The following SDK1 variants were observed in gnomAD, a reference collection of about 807,000 sequenced individuals.
SDK1 encodes protein sidekick-1.
In SDK1, 157 loss-of-function variants were observed where a neutral mutation model predicts 245.5. The observed-to-expected ratio is 0.64, with a 90% CI of 0.56 to 0.73. The LOEUF (loss-of-function observed/expected upper bound fraction) is 0.73. Ranked by LOEUF, SDK1 falls within the 30% of genes least tolerant of loss-of-function variation. The pLI is 0.00. For missense variants in SDK1, 3,583 were observed against 3,002.3 expected (o/e 1.19, Z -4.52); for synonymous variants, 1,647 against 1,278.5 (o/e 1.29, Z -6.15).
intron 14 of SDK1, among the ~76,000 whole-genome samples, chr7:4,007,499 G>A (rs6964258): frequency 0.089 from 13,516 of 152,142 alleles, 1,401 homozygotes; most frequent in African/African-American, 0.26. Context: ...AGAGCAAGCT[G>A]TCCAGCACCC....
At chr7:3,321,777 TCTCCTTC>T (rs1779814501) in intron 1 of SDK1, among the ~76,000 whole-genome samples, 1 of 35,970 alleles carries the variant, frequency 2.8e-5, no homozygotes. Context: ...CTTCCTTCCT[TCTCCTTC>T]CTTCCTTCCT....
At chr7:3,519,679 G>C (rs530591637) in intron 1 of SDK1, among the ~76,000 whole-genome samples, 1 of 152,132 alleles carries the variant, frequency 6.6e-6, no homozygotes, top group South Asian at 2.1e-4. Flanking sequence ...TACATCCAGA[G>C]ATACGCATAA....
Position 4,265,679 on chromosome 7 carries a change from A to C in SDK1, c.*295A>C. ...CACCTCCGGGGCCTGGGAGGACCTC[A>C]GACCTCCCCAGCCCTGGGTTTCTCC... On this transcript the variant is annotated 3_prime_UTR_variant, in exon 45 of 45. Coordinates refer to ENST00000404826, the MANE Select transcript of SDK1 (RefSeq NM_152744.4). 1.7e-6 allele frequency: 2 copies of C among 1,182,520 alleles called. No individual in the cohort carries two copies. The highest frequency in any genetic ancestry group is 4.6e-5 in the Admixed American group (1 of 21,624). 73.3% of individuals were successfully genotyped at this position (1,182,520 alleles called of 1,614,324 possible).
chr7:3,390,962 A>G (rs564274899), intron 1 of SDK1, among the ~76,000 whole-genome samples: 1 of 152,318 alleles, frequency 6.6e-6, no homozygotes, highest in African/African-American at 2.4e-5. Context: ...CACCCAACAG[A>G]AAATGTCACT....
chr7:3,493,531 G>A (rs1054789062), intron 1 of SDK1, among the ~76,000 whole-genome samples: 1 of 152,174 alleles, frequency 6.6e-6, no homozygotes, highest in African/African-American at 2.4e-5. Context: ...ACTAGGAAGT[G>A]CCCACACTGA....
At chr7:3,768,505 C>T (rs181922730) in intron 4 of SDK1, among the ~76,000 whole-genome samples, 89 of 152,344 alleles carry the variant, frequency 5.8e-4, no homozygotes, top group Admixed American at 4.4e-3. Flanking sequence ...CTCAGCTCAG[C>T]AGCAGTTCCT....
At chr7:3,736,831 A>G (rs1372486911) in intron 4 of SDK1, among the ~76,000 whole-genome samples, 1 of 152,160 alleles carries the variant, frequency 6.6e-6, no homozygotes, top group Non-Finnish European at 1.5e-5. Flanking sequence ...ACAAACTTCA[A>G]ATGTACAATA....
intron 41 of SDK1, 129 bp from the exon 42 acceptor site, chr7:4,237,518 T>C (rs777116529): frequency 5.5e-5 from 56 of 1,014,282 alleles, no homozygotes; most frequent in Non-Finnish European, 7.5e-5. Flanking sequence ...CGGCTGGACA[T>C]TGGTTTCATC....
chr7:4,045,923 T>C (rs77548041), intron 17 of SDK1, among the ~76,000 whole-genome samples: 81 of 152,300 alleles, frequency 5.3e-4, no homozygotes, highest in African/African-American at 1.9e-3. Context: ...ATTTTGAAAA[T>C]TCTTTTTTCT....
chr7:3,805,629 T>C (rs539984928), intron 4 of SDK1, among the ~76,000 whole-genome samples: 1 of 152,332 alleles, frequency 6.6e-6, no homozygotes, highest in East Asian at 1.9e-4. Context: ...AGAGCCTTGA[T>C]AGTCTCTTAT....
At chr7:4,163,602 G>A (rs1304751045) in intron 32 of SDK1, among the ~76,000 whole-genome samples, 2 of 152,348 alleles carry the variant, frequency 1.3e-5, no homozygotes, top group East Asian at 3.9e-4. Context: ...TTTGCAGCAC[G>A]GAGGATGAGG....
chr7:3,452,478 G>C (rs6462094), intron 1 of SDK1, among the ~76,000 whole-genome samples: 1 of 151,900 alleles, frequency 6.6e-6, no homozygotes, highest in Admixed American at 6.6e-5. Context: ...CTTATAATTA[G>C]TATGTCAAAA....
intron 5 of SDK1, among the ~76,000 whole-genome samples, chr7:3,848,066 A>C (rs955304039): frequency 1.6e-4 from 25 of 152,260 alleles, no homozygotes; most frequent in African/African-American, 6.0e-4. Context: ...CCGTATTTGA[A>C]ATGTGCTTAT....
rs967456354 is a variant in SDK1, at chr7:3,333,122, T to C, written c.298+31238T>C. 6.6e-5 allele frequency among the ~76,000 whole-genome samples: 10 copies of C among 152,188 alleles called. No individual in the cohort carries two copies. In the East Asian group the frequency reaches 1.2e-3, roughly 18 times the overall value. ...TGCTGTCTAGGAAAGAGTTCAGGTC[T>C]CCTGCTTAAGAAATTGGGAACTAGG... On this transcript the variant is annotated intron_variant, in intron 1 of 44. Coordinates refer to ENST00000404826, the MANE Select transcript of SDK1 (RefSeq NM_152744.4).
Position 4,122,335 on chromosome 7 carries a change from G to A in SDK1, c.3824-5046G>A, listed in dbSNP as rs541072478. Among the ~76,000 whole-genome samples the A allele has an allele frequency of 2.6e-5, 4 of 152,298 alleles. No homozygotes were observed. In the South Asian group the frequency reaches 8.3e-4, roughly 32 times the overall value. On this transcript the variant is annotated intron_variant, in intron 25 of 44. Transcript: ENST00000404826. ...AAATGGGGGGAGGCAGGGATGAGAT[G>A]GGGAGGTGAAGGGGTTGCCAGGGCT...
At chr7:3,422,887 G>T (rs1583834692) in intron 1 of SDK1, among the ~76,000 whole-genome samples, 2 of 152,152 alleles carry the variant, frequency 1.3e-5, no homozygotes, top group Non-Finnish European at 2.9e-5. Context: ...ATTGAATGTT[G>T]CAAGGCCTTT....
intron 17 of SDK1, among the ~76,000 whole-genome samples, chr7:4,036,826 T>C (rs1375703956): frequency 6.6e-6 from 1 of 152,188 alleles, no homozygotes; most frequent in Non-Finnish European, 1.5e-5. Context: ...GTCTTGGCCA[T>C]CCCAGCTTGC....
intron 4 of SDK1, among the ~76,000 whole-genome samples, chr7:3,749,005 C>T (rs1583371384): frequency 6.6e-6 from 1 of 152,198 alleles, no homozygotes; most frequent in Non-Finnish European, 1.5e-5. Context: ...CAACCCAACT[C>T]ACACTTAGAT....
chr7:4,047,482 T>C (rs1017703823), intron 17 of SDK1, among the ~76,000 whole-genome samples: 2 of 152,234 alleles, frequency 1.3e-5, no homozygotes, highest in Admixed American at 6.5e-5. Flanking sequence ...CTGATTTTGG[T>C]ATCAGGGTAA....
Sources: allele counts gnomAD v4.1 joint callset (sites outside exome capture counted in the v4.1 genomes callset), GRCh38; gene constraint gnomAD v4.1.1; transcripts MANE v1.5; gene names NCBI Gene and HGNC (gene_info 2026-07-23, HGNC 2026-07-21).